The following VIRMA variants were observed in gnomAD, a reference collection of about 807,000 sequenced individuals.
VIRMA encodes vir like m6A methyltransferase associated, also known as protein virilizer homolog.
In VIRMA, 65 loss-of-function variants were observed where a neutral mutation model predicts 182.4. That is an observed-to-expected ratio of 0.36 (90% CI 0.29 to 0.44). The LOEUF is 0.44. Ranked by LOEUF, VIRMA falls within the 20% of genes least tolerant of loss-of-function variation. VIRMA has a pLI of 1.00. For missense variants in VIRMA, 1,752 were observed against 2,158.1 expected (o/e 0.81, Z 3.73); for synonymous variants, 709 against 743.1 (o/e 0.95, Z 0.75).
intron 2 of VIRMA, among the ~76,000 whole-genome samples, 160 bp downstream of exon 2, chr8:94,543,667 T>C (rs1038546883): frequency 6.6e-6 from 1 of 152,118 alleles, no homozygotes; most frequent in Non-Finnish European, 1.5e-5. Flanking sequence ...ATATGCATTA[T>C]ACAGAAAATA....
chr8:94,536,273 A>T (rs1465999307), intron 4 of VIRMA, among the ~76,000 whole-genome samples: 1 of 152,218 alleles, frequency 6.6e-6, no homozygotes, highest in African/African-American at 2.4e-5. Flanking sequence ...AACAATGATA[A>T]TTTTTAGTCT....
Position 94,511,367 on chromosome 8 carries a change from T to A in VIRMA, c.3208A>T (p.Thr1070Ser), listed in dbSNP as rs547135149. 1 of 1,613,946 alleles carries A rather than the reference T, an allele frequency of 6.2e-7. No homozygotes were observed. Among genetic ancestry groups the A allele is most frequent in the African/African-American group, 1.3e-5 (1 of 75,040 alleles). ...IQNDIIDILLTFTQGVNEKLT... is the reference protein window; with the variant it reads ...IQNDIIDILLSFTQGVNEKLT... ...TTTTCATTAACTCCTTGTGTAAAAG[T>A]CAGTAAAATATCAATGATATCATTC... The change falls in exon 13 of 24, where the codon ACT becomes TCT. Residue 1070 changes from threonine (T) to serine (S), a missense_variant. By Grantham distance (58) the Thr-to-Ser change is moderately conservative (BLOSUM62 1). This residue lies in a region of VIRMA where 777 missense variants were observed against 920.6 expected (regional missense o/e 0.84). Coordinates refer to ENST00000297591, the MANE Select transcript of VIRMA (RefSeq NM_015496.5).
chr8:94,543,750 T>C (rs1443760475), intron 2 of VIRMA, 77 bp downstream of exon 2: 2 of 800,748 alleles, frequency 2.5e-6, no homozygotes, highest in South Asian at 1.6e-5. Context: ...AATATTCCCT[T>C]ACATTTTTGC....
intron 15 of VIRMA, among the ~76,000 whole-genome samples, chr8:94,509,445 G>C (rs1814279563): frequency 6.6e-6 from 1 of 151,730 alleles, no homozygotes; most frequent in African/African-American, 2.4e-5. Context: ...TAATTGGAAG[G>C]AAAATGAATT....
chr8:94,542,108 G>A (rs1427209434), intron 2 of VIRMA, among the ~76,000 whole-genome samples: 1 of 152,140 alleles, frequency 6.6e-6, no homozygotes, highest in Non-Finnish European at 1.5e-5. Context: ...TTGCTTCCTG[G>A]TATTCACACC....
intron 1 of VIRMA, among the ~76,000 whole-genome samples, chr8:94,548,550 G>C (rs933154422): frequency 9.9e-5 from 15 of 151,240 alleles, no homozygotes; most frequent in Non-Finnish European, 1.5e-4. Flanking sequence ...TCATATACTT[G>C]TTTACCAAAT....
intron 20 of VIRMA, among the ~76,000 whole-genome samples, chr8:94,493,931 TTA>T (rs1444061112): frequency 6.6e-6 from 1 of 152,240 alleles, no homozygotes; most frequent in Non-Finnish European, 1.5e-5. Context: ...CTATTCAGCA[TTA>T]TGTTTAAGAA....
chr8:94,512,122 T>C, intron 11 of VIRMA, 33 bp from the exon 12 acceptor site: 1 of 1,186,030 alleles, frequency 8.4e-7, no homozygotes, highest in South Asian at 2.2e-5. Flanking sequence ...AATATTTCGT[T>C]TCTTAGTACC....
chr8:94,545,689 C>T (rs1476003342), intron 1 of VIRMA, among the ~76,000 whole-genome samples: 5 of 152,048 alleles, frequency 3.3e-5, no homozygotes, highest in Non-Finnish European at 7.4e-5. Flanking sequence ...TATTTAGGTC[C>T]CCAGCCCAGG....
chr8:94,526,871 G>A lies in VIRMA; in HGVS notation c.1373C>T (p.Ala458Val). The stretch of plus-strand genomic sequence containing the variant: ...TAGTGAGGACACTAATTTGGTCCCA[G>A]CTTTGAGCTGTCGAACATTTAAGGC... ...PIALNVRQLK[A>V]GTKLVSSLAE... is the part of the protein sequence containing the mutation. The change falls in exon 8 of 24, where the codon GCT becomes GTT. Residue 458 changes from alanine to valine, a missense_variant. Ala to Val is a moderately conservative substitution (Grantham distance 64). Coordinates refer to ENST00000297591, the MANE Select transcript of VIRMA (RefSeq NM_015496.5). The A allele has an allele frequency of 6.2e-7, 1 of 1,614,210 alleles. No individual in the cohort carries two copies. The highest frequency in any genetic ancestry group is 8.5e-7 in the Non-Finnish European group (1 of 1,180,026).
rs554886121 is a variant in VIRMA at position 94,553,467 on chromosome 8, C to T, written c.-20G>A. The T allele has an allele frequency of 1.1e-4, 185 of 1,613,378 alleles. No homozygotes were observed. The Middle Eastern group carries it at 1.2e-3, about 10-fold the overall frequency. On this transcript the variant is annotated 5_prime_UTR_variant, in exon 1 of 24. Coordinates refer to ENST00000297591, the MANE Select transcript of VIRMA (RefSeq NM_015496.5). ...CGCCATGTTTGCCGCGGGCGGGGAA[C>T]AGGGGGGAGGACTTCCGGGGCAGCG... is the stretch of plus-strand genomic sequence containing the variant.
In VIRMA at chr8:94,553,411, C is replaced by T; in HGVS notation, c.37G>A (p.Asp13Asn). The T allele has an allele frequency of 6.2e-7, 1 of 1,614,196 alleles. No homozygotes were observed. Among genetic ancestry groups the T allele is most frequent in the Non-Finnish European group, 8.5e-7 (1 of 1,180,032 alleles). The change falls in exon 1 of 24, where the codon GAT (aspartate) becomes AAT (asparagine). Residue 13 changes from aspartate (D) to asparagine (N), a missense_variant. Physicochemically the swap from Asp to Asn is conservative, Grantham distance 23. Transcript: ENST00000297591. ...VDSAMELLFL[D>N]TFKHPSAEQS... The stretch of plus-strand genomic sequence containing the variant: ...TCAGCGCTCGGGTGTTTAAAAGTAT[C>T]TAAAAATAACAGCTCCATCGCCGAG...
At chr8:94,545,110 G>A (rs952018860) in intron 1 of VIRMA, among the ~76,000 whole-genome samples, 1 of 151,954 alleles carries the variant, frequency 6.6e-6, no homozygotes, top group African/African-American at 2.4e-5. Flanking sequence ...CAGCCTGGGT[G>A]ACAAAGTAAG....
At chr8:94,547,468 A>G (rs1162495226) in intron 1 of VIRMA, among the ~76,000 whole-genome samples, 2 of 150,824 alleles carry the variant, frequency 1.3e-5, no homozygotes, top group Non-Finnish European at 2.9e-5. Flanking sequence ...TATCCCTGCA[A>G]TTATCTTCTC....
intron 20 of VIRMA, 29 bp from the exon 21 acceptor site, chr8:94,492,847 A>G (rs750438480): frequency 1.4e-5 from 21 of 1,534,952 alleles, no homozygotes; most frequent in Non-Finnish European, 1.7e-5. Context: ...AACAAAACAC[A>G]TATTAAATGT....
In VIRMA at chr8:94,495,847, A is replaced by G; in HGVS notation, c.4428T>C (p.Ser1476=). ...DDDNLDSLLD[S]VVGLKQMLES... ...CCAGCATCTGCTTAAGTCCAACTAC[A>G]CTGTCCAACAAAGAATCCAGATTGT... is the stretch of plus-strand genomic sequence containing the variant. The change falls in exon 19 of 24, where the codon AGT becomes AGC. Residue 1476 remains serine, a synonymous_variant. Transcript: ENST00000297591. 1 of 1,613,892 alleles carries G rather than the reference A, an allele frequency of 6.2e-7. No individual in the cohort carries two copies. The highest frequency in any genetic ancestry group is 8.5e-7 in the Non-Finnish European group (1 of 1,179,872).
At position 94,491,622 on chromosome 8, in the gene VIRMA, G is replaced by C; in HGVS notation, c.5096C>G (p.Ala1699Gly). 6.2e-7 allele frequency: 1 copy of C among 1,614,054 alleles called. No individual in the cohort carries two copies. The highest frequency in any genetic ancestry group is 8.5e-7 in the Non-Finnish European group (1 of 1,179,976). Residue 1699 changes from alanine to glycine, a missense_variant, in exon 22 of 24, where the codon GCT becomes GGT. Physicochemically the swap from Ala to Gly is moderately conservative, Grantham distance 60 (BLOSUM62 0). Coordinates refer to ENST00000297591, the MANE Select transcript of VIRMA (RefSeq NM_015496.5). ...GAAAAACCTATTCTGACTGTGGAAA[G>C]CACCCCGTCCTCCTCTATTGCCTGA... ...GFSGNRGGRG[A>G]FHSQNRFFTP...
chr8:94,496,039 T>C, intron 18 of VIRMA, 148 bp from the exon 19 acceptor site: 1 of 690,894 alleles, frequency 1.4e-6, no homozygotes, highest in Non-Finnish European at 2.3e-6. Context: ...CACATTAAAA[T>C]AAAACAAACA....
intron 1 of VIRMA, among the ~76,000 whole-genome samples, chr8:94,551,237 T>C (rs1052585675): frequency 1.3e-5 from 2 of 152,228 alleles, no homozygotes; most frequent in Non-Finnish European, 2.9e-5. Context: ...TCTTTCCTGA[T>C]ACACTCAAAT....
Sources: allele counts gnomAD v4.1 joint callset (sites outside exome capture counted in the v4.1 genomes callset), GRCh38; gene constraint gnomAD v4.1.1; regional missense constraint gnomAD v4.1.1; transcripts MANE v1.5; gene names NCBI Gene and HGNC (gene_info 2026-07-23, HGNC 2026-07-21).